Variants in CDH12 observed in about 807,000 individuals in gnomAD.
The protein encoded by CDH12 is cadherin-12.
CDH12 carries 41 observed loss-of-function variants against 74.1 expected under a neutral mutation model. That is an observed-to-expected ratio of 0.55 (90% confidence interval 0.43 to 0.72). The LOEUF (loss-of-function observed/expected upper bound fraction) is 0.72, where lower values mean the gene tolerates loss of function less well. Ranked by LOEUF, CDH12 falls within the 30% of genes least tolerant of loss-of-function variation. CDH12 has a pLI of 0.00. For missense variants in CDH12, 945 were observed against 977.2 expected, an observed-to-expected ratio of 0.97 and a Z score of 0.44; for synonymous variants, 399 against 355.0, an observed-to-expected ratio of 1.12 and a Z score of -1.39.
intron 3 of CDH12, among the ~76,000 whole-genome samples, chr5:22,404,221 G>T (rs1295951286): frequency 6.6e-6 from 1 of 151,434 alleles, no homozygotes; most frequent in Admixed American, 6.6e-5. Context: ...TTGAGGTCTG[G>T]CAATCTAAAC....
chr5:21,851,798 A>AGGG, intron 7 of CDH12, among the ~76,000 whole-genome samples: 1 of 151,514 alleles, frequency 6.6e-6, no homozygotes, highest in African/African-American at 2.4e-5. Flanking sequence ...CCACTTAGAT[A>AGGG]GAGATGCTGG....
intron 6 of CDH12, among the ~76,000 whole-genome samples, chr5:21,855,686 A>G (rs1207661953): frequency 6.6e-6 from 1 of 151,528 alleles, no homozygotes; most frequent in African/African-American, 2.4e-5. Context: ...GTGTACATCC[A>G]AAGTTATGCA....
At chr5:21,911,849 ATT>A (rs34258046) in intron 6 of CDH12, among the ~76,000 whole-genome samples, 1 of 151,798 alleles carries the variant, frequency 6.6e-6, no homozygotes, top group Admixed American at 6.6e-5. Context: ...TTCAACTTTA[ATT>A]TTTTTTGTTT....
intron 4 of CDH12, among the ~76,000 whole-genome samples, chr5:22,084,325 G>A (rs553637110): frequency 6.6e-6 from 1 of 152,240 alleles, no homozygotes; most frequent in South Asian, 2.1e-4. Flanking sequence ...TACATTTGAG[G>A]ATTGCTTCTG....
chr5:21,959,994 C>T (rs1387650217), intron 6 of CDH12, among the ~76,000 whole-genome samples: 1 of 150,612 alleles, frequency 6.6e-6, no homozygotes, highest in Non-Finnish European at 1.5e-5. Flanking sequence ...ACAAGAAGAC[C>T]TTACTAACCT....
intron 5 of CDH12, among the ~76,000 whole-genome samples, chr5:22,054,361 G>A (rs1740593062): frequency 6.6e-6 from 1 of 152,046 alleles, no homozygotes; most frequent in African/African-American, 2.4e-5. Flanking sequence ...ATCTGGTAGA[G>A]ATTTGAGTTT....
intron 2 of CDH12, among the ~76,000 whole-genome samples, chr5:22,457,059 C>T (rs761834039): frequency 6.6e-6 from 1 of 152,046 alleles, no homozygotes; most frequent in Non-Finnish European, 1.5e-5. Flanking sequence ...AGCAATCAAG[C>T]TTTCAGAGTT....
chr5:22,186,211 G>A (rs1268447031), intron 4 of CDH12, among the ~76,000 whole-genome samples: 1 of 152,132 alleles, frequency 6.6e-6, no homozygotes, highest in Non-Finnish European at 1.5e-5. Flanking sequence ...AAGTCAATTT[G>A]AAACACACAT....
chr5:22,687,310 T>G (rs538834394), intron 1 of CDH12, among the ~76,000 whole-genome samples: 4 of 151,858 alleles, frequency 2.6e-5, no homozygotes, highest in East Asian at 1.9e-4. Flanking sequence ...AAGAAAGAAA[T>G]AAAAAAATGA....
chr5:22,169,273 A>G (rs536287384), intron 4 of CDH12, among the ~76,000 whole-genome samples: 3 of 151,966 alleles, frequency 2.0e-5, no homozygotes, highest in Admixed American at 6.6e-5. Flanking sequence ...ACACTTTATA[A>G]GTTGAACTCA....
intron 1 of CDH12, among the ~76,000 whole-genome samples, chr5:22,712,936 T>G (rs2126976785): frequency 6.6e-6 from 1 of 152,116 alleles, no homozygotes; most frequent in Admixed American, 6.5e-5. Flanking sequence ...GTTTTAAAAT[T>G]TCCACTAAAT....
chr5:22,259,013 T>C (rs1375285816), intron 3 of CDH12, among the ~76,000 whole-genome samples: 2 of 151,958 alleles, frequency 1.3e-5, no homozygotes, highest in Non-Finnish European at 2.9e-5. Flanking sequence ...TGCATTTATT[T>C]AATTAGAATG....
chr5:22,492,153 C>G (rs902654424), intron 2 of CDH12, among the ~76,000 whole-genome samples: 2 of 152,078 alleles, frequency 1.3e-5, no homozygotes, highest in Non-Finnish European at 2.9e-5. Context: ...GGCAGAAGCA[C>G]AGATAACAGC....
At chr5:21,918,930 A>G (rs1185472674) in intron 6 of CDH12, among the ~76,000 whole-genome samples, 1 of 152,118 alleles carries the variant, frequency 6.6e-6, no homozygotes, top group Non-Finnish European at 1.5e-5. Flanking sequence ...TATACTTTTC[A>G]GTTTTACAAA....
rs904206467 is a variant in CDH12 at position 22,540,860 on chromosome 5, A to T, written c.-522-35496T>A. Among the ~76,000 whole-genome samples, 3 of 152,324 alleles carry T rather than the reference A, an allele frequency of 2.0e-5. No individual in the cohort carries two copies. In the East Asian group the frequency reaches 5.8e-4, roughly 29 times the overall value. On this transcript the variant is annotated intron_variant, in intron 1 of 14. Transcript: ENST00000382254. ...CAAATTTCATATCAGTAATGTATGGATATATACATATGCATTTATATATAT... is the reference window on the plus strand; with the variant it reads ...CAAATTTCATATCAGTAATGTATGGTTATATACATATGCATTTATATATAT...
chr5:22,241,672 A>G (rs899619527), intron 3 of CDH12, among the ~76,000 whole-genome samples: 1 of 152,094 alleles, frequency 6.6e-6, no homozygotes, highest in Non-Finnish European at 1.5e-5. Flanking sequence ...TATAGGAACA[A>G]TTACAAGATC....
chr5:22,122,524 ATCATT>A (rs1300122717), intron 4 of CDH12, among the ~76,000 whole-genome samples: 1 of 151,832 alleles, frequency 6.6e-6, no homozygotes, highest in Non-Finnish European at 1.5e-5. Flanking sequence ...TACCAGCTTT[ATCATT>A]TCTCTTGCTT....
intron 1 of CDH12, among the ~76,000 whole-genome samples, chr5:22,654,640 TG>T (rs201277142): frequency 1.3e-5 from 2 of 150,230 alleles, no homozygotes; most frequent in East Asian, 2.0e-4. Flanking sequence ...TTTTTTTTGT[TG>T]TTGTTGTTGT....
chr5:22,590,877 T>C (rs566973416), intron 1 of CDH12, among the ~76,000 whole-genome samples: 2 of 152,292 alleles, frequency 1.3e-5, no homozygotes, highest in East Asian at 1.9e-4. Flanking sequence ...GTCTCATACA[T>C]TTCTCTTGAC....
Sources: allele counts gnomAD v4.1 joint callset (sites outside exome capture counted in the v4.1 genomes callset), GRCh38; gene constraint gnomAD v4.1.1; transcripts MANE v1.5; gene names NCBI Gene and HGNC (gene_info 2026-07-23, HGNC 2026-07-21).